Variants in PTPRM observed in about 807,000 individuals in gnomAD.
The protein encoded by PTPRM is protein tyrosine phosphatase receptor type M.
A neutral mutation model predicts 186.7 loss-of-function variants in PTPRM; 47 were observed. The ratio of observed to expected loss-of-function variants is 0.25; its 90% CI spans 0.20 to 0.32. PTPRM has a LOEUF of 0.32. PTPRM is among the 10% of genes least tolerant of loss of function. The probability of loss-of-function intolerance (pLI) is 1.00; values close to 1 mark genes in which losing one functional copy is unlikely to be tolerated. For missense variants in PTPRM, 1,494 were observed against 1,865.0 expected, an observed-to-expected ratio of 0.80 and a Z score of 3.66; for synonymous variants, 668 against 674.9, an observed-to-expected ratio of 0.99 and a Z score of 0.16.
intron 14 of PTPRM, among the ~76,000 whole-genome samples, chr18:8,153,410 C>T (rs925771985): frequency 6.6e-6 from 1 of 152,098 alleles, no homozygotes; most frequent in African/African-American, 2.4e-5. Context: ...TTTGGTAACA[C>T]GTGGCCTTAA....
intron 2 of PTPRM, among the ~76,000 whole-genome samples, chr18:7,820,681 T>C (rs2045138593): frequency 6.6e-6 from 1 of 152,120 alleles, no homozygotes; most frequent in Non-Finnish European, 1.5e-5. Flanking sequence ...GTTCCAGGCC[T>C]CTTATGTTGC....
intron 2 of PTPRM, among the ~76,000 whole-genome samples, chr18:7,824,541 G>T (rs2045382166): frequency 6.6e-6 from 1 of 152,032 alleles, no homozygotes; most frequent in Admixed American, 6.6e-5. Context: ...CTTGTAACTT[G>T]AAGGGTTTCC....
chr18:8,011,837 A>G (rs966633307), intron 7 of PTPRM, among the ~76,000 whole-genome samples: 3 of 152,242 alleles, frequency 2.0e-5, no homozygotes, highest in African/African-American at 7.2e-5. Context: ...GCCTTTTAGA[A>G]GGGATCCCTC....
At position 8,380,358 on chromosome 18, in the gene PTPRM, C is replaced by G. The variant is rs1398810405; in HGVS notation, c.3849C>G (p.Asp1283Glu). ...TQHPLPNTVK[D>E]FWRLVLDYHC... The stretch of plus-strand genomic sequence containing the variant: ...ATCCTTTGCCAAACACAGTGAAAGA[C>G]TTTTGGAGACTGGTCCTGGATTATC... Residue 1283 changes from aspartate (D) to glutamate (E), a missense_variant, in exon 29 of 33, where the codon GAC (aspartate) becomes GAG (glutamate). This residue lies in a region of PTPRM where 1,107 missense variants were observed against 1,350.2 expected (regional missense o/e 0.82). Coordinates refer to ENST00000580170, the MANE Select transcript of PTPRM (RefSeq NM_001105244.2). 1 of 1,614,120 alleles carries G rather than the reference C, an allele frequency of 6.2e-7. No individual in the cohort carries two copies. Among genetic ancestry groups the G allele is most frequent in the Admixed American group, 1.7e-5 (1 of 60,020 alleles).
chr18:7,976,242 T>C (rs900468135), intron 7 of PTPRM, among the ~76,000 whole-genome samples: 4 of 152,212 alleles, frequency 2.6e-5, no homozygotes, highest in African/African-American at 9.7e-5. Flanking sequence ...TATATGACAT[T>C]CTGGAAAAGG....
Position 7,840,246 on chromosome 18 carries a change from G to A in PTPRM, c.197-47860G>A, listed in dbSNP as rs776464806. 7.8e-4 allele frequency among the ~76,000 whole-genome samples: 119 copies of A among 152,232 alleles called. 1 individual carries two copies. Among genetic ancestry groups the A allele is most frequent in the Admixed American group, 3.0e-3 (46 of 15,296 alleles). On this transcript the variant is annotated intron_variant, in intron 2 of 32. Coordinates refer to ENST00000580170, the MANE Select transcript of PTPRM (RefSeq NM_001105244.2). Reference sequence around the variant, plus strand: ...CGTAAGAAGGTGCTTTTTTAGTGTAGATAGGTGTTAATTGGTGTCCTTGCA... The same window carrying A: ...CGTAAGAAGGTGCTTTTTTAGTGTAAATAGGTGTTAATTGGTGTCCTTGCA...
chr18:8,008,114 A>G (rs2084300350), intron 7 of PTPRM, among the ~76,000 whole-genome samples: 1 of 152,202 alleles, frequency 6.6e-6, no homozygotes, highest in Non-Finnish European at 1.5e-5. Context: ...TGTGTGAAGA[A>G]TGGAAAATCG....
intron 20 of PTPRM, among the ~76,000 whole-genome samples, chr18:8,297,200 T>A (rs936965879): frequency 2.6e-5 from 4 of 152,310 alleles, no homozygotes; most frequent in African/African-American, 9.6e-5. Flanking sequence ...TGTAGTCGCC[T>A]AACATAATTA....
chr18:8,120,661 A>G (rs1267412047), intron 13 of PTPRM, among the ~76,000 whole-genome samples: 1 of 151,720 alleles, frequency 6.6e-6, no homozygotes, highest in Non-Finnish European at 1.5e-5. Flanking sequence ...ACGCTAGACT[A>G]ATTTTTGTAA....
chr18:7,879,895 G>A (rs1270130515), intron 2 of PTPRM, among the ~76,000 whole-genome samples: 8 of 152,094 alleles, frequency 5.3e-5, no homozygotes, highest in African/African-American at 1.2e-4. Context: ...CCTGAGGCTC[G>A]GTATTTAAAG....
intron 7 of PTPRM, among the ~76,000 whole-genome samples, chr18:7,979,819 C>A (rs1422759455): frequency 6.6e-6 from 1 of 152,148 alleles, no homozygotes; most frequent in Non-Finnish European, 1.5e-5. Context: ...GGGGAACAGG[C>A]TGCACTGGCA....
chr18:8,165,064 G>A (rs1219467512), intron 14 of PTPRM, among the ~76,000 whole-genome samples: 1 of 151,692 alleles, frequency 6.6e-6, no homozygotes, highest in Non-Finnish European at 1.5e-5. Flanking sequence ...AGCTACTCGG[G>A]AGGCTGAGGC....
At chr18:7,794,172 G>T (rs772879419) in intron 2 of PTPRM, among the ~76,000 whole-genome samples, 1 of 152,218 alleles carries the variant, frequency 6.6e-6, no homozygotes, top group Non-Finnish European at 1.5e-5. Context: ...ACTAAGGAAA[G>T]AACTCTGGGA....
intron 7 of PTPRM, among the ~76,000 whole-genome samples, chr18:8,047,751 T>A (rs1375986753): frequency 6.6e-6 from 1 of 151,908 alleles, no homozygotes; most frequent in Non-Finnish European, 1.5e-5. Flanking sequence ...GGTACGTGGA[T>A]GAATTGGCCA....
chr18:8,188,466 G>A (rs930984679), intron 14 of PTPRM, among the ~76,000 whole-genome samples: 4 of 152,202 alleles, frequency 2.6e-5, no homozygotes, highest in South Asian at 4.1e-4. Flanking sequence ...AACAGGTGGT[G>A]CGTTACCATG....
chr18:8,392,430 C>G (rs1373454339), intron 31 of PTPRM, among the ~76,000 whole-genome samples: 2 of 152,066 alleles, frequency 1.3e-5, no homozygotes, highest in African/African-American at 4.8e-5. Context: ...TGAGACTATC[C>G]TGGCTAACAC....
intron 4 of PTPRM, among the ~76,000 whole-genome samples, chr18:7,908,885 T>C (rs552142184): frequency 5.1e-4 from 78 of 152,346 alleles, no homozygotes; most frequent in Non-Finnish European, 9.8e-4. Context: ...GATCTTCTAA[T>C]ATGCACAAAG....
intron 7 of PTPRM, among the ~76,000 whole-genome samples, chr18:8,013,852 C>A (rs1240785519): frequency 9.2e-5 from 14 of 152,154 alleles, no homozygotes; most frequent in Admixed American, 9.2e-4. Context: ...TAAAACTCCA[C>A]TTTTAGATAA....
At chr18:8,034,884 T>C (rs2086223139) in intron 7 of PTPRM, among the ~76,000 whole-genome samples, 1 of 152,198 alleles carries the variant, frequency 6.6e-6, no homozygotes, top group African/African-American at 2.4e-5. Flanking sequence ...TTCATAAGCC[T>C]AGTGGGTCTC....
Sources: allele counts gnomAD v4.1 joint callset (sites outside exome capture counted in the v4.1 genomes callset), GRCh38; gene constraint gnomAD v4.1.1; regional missense constraint gnomAD v4.1.1; transcripts MANE v1.5; gene names NCBI Gene and HGNC (gene_info 2026-07-23, HGNC 2026-07-21).